Variants in ITGAD observed in about 807,000 individuals in gnomAD.
ITGAD encodes the protein integrin subunit alpha D, also known as integrin alpha-D.
A neutral mutation model predicts 139.0 loss-of-function variants in ITGAD; 105 were observed. The observed-to-expected ratio is 0.76, with a 90% confidence interval of 0.65 to 0.89. The LOEUF is 0.89. Ranked by LOEUF, ITGAD falls within the 40% of genes least tolerant of loss-of-function variation. The pLI, the probability that ITGAD is intolerant of heterozygous loss-of-function variation, is 0.00. For synonymous variants in ITGAD, 569 were observed against 598.3 expected (o/e 0.95, Z 0.71); for missense variants, 1,384 against 1,487.3 (o/e 0.93, Z 1.14).
intron 23 of ITGAD, among the ~76,000 whole-genome samples, chr16:31,420,976 C>T (rs1597160901): frequency 1.3e-5 from 2 of 152,268 alleles, no homozygotes; most frequent in Admixed American, 6.5e-5. Flanking sequence ...CCCTTTCTAT[C>T]CACAGGAAAA....
At chr16:31,411,590 G>A in intron 14 of ITGAD, 73 bp downstream of exon 14, 2 of 1,416,256 alleles carry the variant, frequency 1.4e-6, no homozygotes, top group Admixed American at 1.7e-5. Context: ...GCAGCCTCCT[G>A]TCTCTGTCAC....
At chr16:31,421,392 A>G (rs754807712) in intron 23 of ITGAD, among the ~76,000 whole-genome samples, 1 of 151,234 alleles carries the variant, frequency 6.6e-6, no homozygotes, top group Non-Finnish European at 1.5e-5. Flanking sequence ...TACAGGCATG[A>G]GTGGGAGGAT....
intron 10 of ITGAD, among the ~76,000 whole-genome samples, chr16:31,409,593 C>G (rs1356501937): frequency 6.6e-6 from 1 of 152,042 alleles, no homozygotes; most frequent in East Asian, 1.9e-4. Context: ...TGAGGAAGAC[C>G]TCACAGAGGA....
At chr16:31,401,234 C>A (rs1439021735) in intron 5 of ITGAD, among the ~76,000 whole-genome samples, 2 of 152,272 alleles carry the variant, frequency 1.3e-5, no homozygotes, top group African/African-American at 4.8e-5. Context: ...ACACTCCAGC[C>A]TGGGTGACAG....
At chr16:31,420,566 T>G (rs965998323) in intron 23 of ITGAD, among the ~76,000 whole-genome samples, 1 of 151,814 alleles carries the variant, frequency 6.6e-6, no homozygotes, top group Non-Finnish European at 1.5e-5. Context: ...CTAGCTAATT[T>G]TTTGTTTGTT....
At chr16:31,410,969 T>A in intron 12 of ITGAD, 91 bp downstream of exon 12, 1 of 1,595,906 alleles carries the variant, frequency 6.3e-7, no homozygotes, top group South Asian at 1.1e-5. Flanking sequence ...ATGGAGGGGC[T>A]TTGGGGGCCT....
At chr16:31,424,053 G>A (rs1335894138) in intron 27 of ITGAD, 49 bp from the exon 28 acceptor site, 2 of 1,611,504 alleles carry the variant, frequency 1.2e-6, no homozygotes, top group Non-Finnish European at 1.7e-6. Context: ...CCGAAGCTCT[G>A]AGCCTCCCCC....
chr16:31,397,451 T>C lies in ITGAD; in HGVS notation c.230T>C (p.Ile77Thr). ...CAAATGMCQP[I>T]PLHIRPEAVN... Reference sequence around the variant, plus strand: ...GCTGCCACCGGCATGTGCCAGCCCATCCCGCTGCACAGTGAGTGACCACCT... The same window carrying C: ...GCTGCCACCGGCATGTGCCAGCCCACCCCGCTGCACAGTGAGTGACCACCT... Residue 77 changes from isoleucine to threonine, a missense_variant, in exon 3 of 30, where the codon ATC becomes ACC. Ile to Thr is a moderately conservative substitution (Grantham distance 89, BLOSUM62 -1). Coordinates refer to ENST00000389202, the MANE Select transcript of ITGAD (RefSeq NM_005353.3). 1.9e-6 allele frequency: 3 copies of C among 1,595,918 alleles called. No homozygotes were observed. The highest frequency in any genetic ancestry group is 2.6e-6 in the Non-Finnish European group (3 of 1,171,366).
At position 31,411,560 on chromosome 16, in the gene ITGAD, A is replaced by AT. The variant is rs553501163; in HGVS notation, c.1707+44dup. On this transcript the variant is annotated intron_variant, in intron 14 of 29. Transcript: ENST00000389202. ...CCTCTTTTAGTCCCAGCTCCTTCCC[A>AT]TGTCCTGAGTTCACTGAACGCAGCC... The AT allele has an allele frequency of 5.3e-3, 8,482 of 1,594,068 alleles. 40 individuals carry two copies. Among genetic ancestry groups the AT allele is most frequent in the Non-Finnish European group, 6.6e-3 (7,721 of 1,162,230 alleles).
At chr16:31,409,473 T>C (rs532528318) in intron 10 of ITGAD, among the ~76,000 whole-genome samples, 1 of 152,210 alleles carries the variant, frequency 6.6e-6, no homozygotes, top group South Asian at 2.1e-4. Context: ...GGGTTCATTA[T>C]ACATTTATTT....
At chr16:31,411,600 C>G in intron 14 of ITGAD, 83 bp downstream of exon 14, 1 of 1,299,626 alleles carries the variant, frequency 7.7e-7, no homozygotes, top group Non-Finnish European at 1.1e-6. Flanking sequence ...GTCTCTGTCA[C>G]CATTCCCTTC....
In ITGAD at chr16:31,411,135, C is replaced by T. The variant is rs138291839; in HGVS notation, c.1416C>T (p.Thr472=). 70 of 1,613,432 alleles carry T rather than the reference C, an allele frequency of 4.3e-5. 1 individual carries two copies. Among genetic ancestry groups the T allele is most frequent in the Middle Eastern group, 3.4e-4 (2 of 5,814 alleles). Residue 472 remains threonine, a synonymous_variant, in exon 13 of 30, where the codon ACC becomes ACT. Coordinates refer to ENST00000389202, the MANE Select transcript of ITGAD (RefSeq NM_005353.3). ...TGGATGTGGACAGCGATGGCAGCAC[C>T]GACCTGATCCTCATTGGGGCCCCCC... ...CSVDVDSDGS[T]DLILIGAPHY... is the part of the protein sequence containing the mutation.
At chr16:31,402,984 T>C (rs901950809) in intron 6 of ITGAD, 6 of 152,492 alleles carry the variant, frequency 3.9e-5, no homozygotes, top group African/African-American at 1.4e-4. Context: ...GGGTAGCAAA[T>C]ATTGTGGTTG....
At chr16:31,401,893 A>G (rs1205242556) in intron 5 of ITGAD, among the ~76,000 whole-genome samples, 1 of 152,160 alleles carries the variant, frequency 6.6e-6, no homozygotes, top group Non-Finnish European at 1.5e-5. Context: ...GATTAAATGG[A>G]TGAGGAGCCC....
At chr16:31,410,692 G>A in intron 11 of ITGAD, 44 bp from the exon 12 acceptor site, 3 of 1,590,086 alleles carry the variant, frequency 1.9e-6, no homozygotes, top group South Asian at 1.1e-5. Context: ...AGGGTTCTGG[G>A]GAGGGGGAAT....
At position 31,397,356 on chromosome 16, in the gene ITGAD, C is replaced by G; in HGVS notation, c.138-3C>G. 1 of 1,588,388 alleles carries G rather than the reference C, an allele frequency of 6.3e-7. No individual in the cohort carries two copies. The highest frequency in any genetic ancestry group is 8.6e-7 in the Non-Finnish European group (1 of 1,166,710). The stretch of plus-strand genomic sequence containing the variant: ...AGTGACATGGCCATGGTTGTGTCTC[C>G]AGACTCGTGGTGGGAGCACCCCTGG... On this transcript the variant is annotated splice_region_variant and splice_polypyrimidine_tract_variant and intron_variant, in intron 2 of 29. Transcript: ENST00000389202.
intron 7 of ITGAD, among the ~76,000 whole-genome samples, chr16:31,406,874 C>G (rs1404458442): frequency 6.6e-6 from 1 of 152,192 alleles, no homozygotes; most frequent in Non-Finnish European, 1.5e-5. Context: ...TTATCCTCAT[C>G]ATGCATGGAG....
intron 23 of ITGAD, among the ~76,000 whole-genome samples, chr16:31,419,674 A>G (rs2142832384): frequency 6.6e-6 from 1 of 152,088 alleles, no homozygotes; most frequent in South Asian, 2.1e-4. Flanking sequence ...AGCCAGGCGC[A>G]GTGGCACACG....
At chr16:31,396,990 C>G (rs977576387) in intron 2 of ITGAD, among the ~76,000 whole-genome samples, 11 of 140,080 alleles carry the variant, frequency 7.9e-5, no homozygotes, top group African/African-American at 3.0e-4. Context: ...TTGGGTGGTT[C>G]AAAATAATGG....
Sources: allele counts gnomAD v4.1 joint callset (sites outside exome capture counted in the v4.1 genomes callset), GRCh38; gene constraint gnomAD v4.1.1; transcripts MANE v1.5; gene names NCBI Gene and HGNC (gene_info 2026-07-23, HGNC 2026-07-21).